SLC39A14: variants seen among roughly 807,000 people sequenced by gnomAD.
SLC39A14 encodes the protein solute carrier family 39 member 14.
A neutral mutation model predicts 45.5 loss-of-function variants in SLC39A14; 19 were observed. The observed-to-expected ratio is 0.42, with a 90% CI of 0.29 to 0.61. The LOEUF (loss-of-function observed/expected upper bound fraction) is 0.61. Among genes scored for constraint, SLC39A14 ranks in the 20% least tolerant of loss-of-function variants. SLC39A14 has a pLI of 0.22. For synonymous variants in SLC39A14, 264 were observed against 251.3 expected, an observed-to-expected ratio of 1.05 and a Z score of -0.48; for missense variants, 447 against 616.5, an observed-to-expected ratio of 0.73 and a Z score of 2.91.
chr8:22,402,641 C>T (rs1460267109), intron 1 of SLC39A14, among the ~76,000 whole-genome samples: 3 of 149,352 alleles, frequency 2.0e-5, no homozygotes, highest in South Asian at 2.1e-4. Context: ...TGGTGGCCAG[C>T]GCCTATAATC....
chr8:22,398,908 C>G (rs966723959), intron 1 of SLC39A14: 7 of 208,774 alleles, frequency 3.4e-5, no homozygotes, highest in African/African-American at 1.7e-4. Flanking sequence ...TCCCACCTCC[C>G]CAAGGGTTGG....
intron 3 of SLC39A14, 95 bp from the exon 4 acceptor site, chr8:22,411,942 C>T (rs980051038): frequency 8.2e-7 from 1 of 1,217,924 alleles, no homozygotes; most frequent in Non-Finnish European, 1.1e-6. Flanking sequence ...CCTATCTGCT[C>T]CACCTTCCTC....
intron 1 of SLC39A14, among the ~76,000 whole-genome samples, chr8:22,374,533 C>T (rs1285233467): frequency 2.0e-5 from 3 of 150,576 alleles, no homozygotes; most frequent in South Asian, 2.1e-4. Context: ...TAAGGAGAGC[C>T]GTGTGAATGC....
rs1318714126 is a variant in SLC39A14 at position 22,367,374 on chromosome 8, G to A, written c.-50G>A. 2 of 152,124 alleles carry A rather than the reference G, an allele frequency of 1.3e-5. No individual in the cohort carries two copies. The highest frequency in any genetic ancestry group is 1.3e-4 in the Admixed American group (2 of 15,254). The allele number at this position is 152,124 out of a possible 1,614,324, so 9.4% of individuals were successfully genotyped here. On this transcript the variant is annotated 5_prime_UTR_variant, in exon 1 of 9. Transcript: ENST00000381237. The surrounding 1 kb of genome is among the most constrained non-coding windows in gnomAD (Gnocchi z 4.2). Reference sequence around the variant, plus strand: ...CCGGCCGCCTGGGACCTTGCGGTGAGGCTGCGCGGGGCCGAGGCCGCCTCC... The same window carrying A: ...CCGGCCGCCTGGGACCTTGCGGTGAAGCTGCGCGGGGCCGAGGCCGCCTCC...
chr8:22,394,010 G>GTTTT (rs35225179), intron 1 of SLC39A14, among the ~76,000 whole-genome samples: 2 of 138,148 alleles, frequency 1.4e-5, no homozygotes, highest in Non-Finnish European at 3.1e-5. Context: ...CTGAAGGGGT[G>GTTTT]TTTTTTTTTT....
At position 22,432,583 on chromosome 8, in the gene SLC39A14, A is replaced by T. The variant is rs571593438; in HGVS notation, c.1333-1308A>T. On this transcript the variant is annotated intron_variant, in intron 8 of 8. Coordinates refer to the SLC39A14 transcript ENST00000240095. ...AGCCTCAACTCCCTGGGTCCAAGTG[A>T]TCCTCCTACCTCGGCCTCCCGAGTA... 4.5e-4 allele frequency among the ~76,000 whole-genome samples: 68 copies of T among 149,744 alleles called. 1 individual carries two copies. The highest frequency in any genetic ancestry group is 1.6e-3 in the African/African-American group (65 of 40,634).
At chr8:22,379,433 A>T (rs1833381250) in intron 1 of SLC39A14, 1 of 152,240 alleles carries the variant, frequency 6.6e-6, no homozygotes, top group Non-Finnish European at 1.5e-5. Flanking sequence ...CTAGGAGAGA[A>T]GGCAAGCTTG....
chr8:22,428,834 A>G (rs1836426791), intron 8 of SLC39A14, among the ~76,000 whole-genome samples: 1 of 152,218 alleles, frequency 6.6e-6, no homozygotes, highest in African/African-American at 2.4e-5. Flanking sequence ...TTTTCACTGA[A>G]AAACTTAAAG....
intron 8 of SLC39A14, among the ~76,000 whole-genome samples, chr8:22,433,725 A>G (rs911806338): frequency 1.3e-5 from 2 of 151,818 alleles, no homozygotes; most frequent in Non-Finnish European, 2.9e-5. Context: ...ACACCTAGCT[A>G]ATTTTTCTGT....
rs1420785799 is a variant in SLC39A14, at chr8:22,421,701, A to G, written c.*2003A>G. The stretch of plus-strand genomic sequence containing the variant: ...GCTTTAACCTAACTCGCATTGATGT[A>G]TTAAATTTATAATTTTAGCATTCCC... On this transcript the variant is annotated 3_prime_UTR_variant, in exon 9 of 9. Transcript: ENST00000381237. 5 of 984,572 alleles carry G rather than the reference A, an allele frequency of 5.1e-6. No individual in the cohort carries two copies. Among genetic ancestry groups the G allele is most frequent in the Middle Eastern group, 5.2e-4 (1 of 1,932 alleles). The allele number at this position is 984,572 out of a possible 1,614,324, so 61.0% of individuals were successfully genotyped here.
chr8:22,429,063 G>A (rs1301399913), intron 8 of SLC39A14, among the ~76,000 whole-genome samples: 2 of 152,194 alleles, frequency 1.3e-5, no homozygotes, highest in East Asian at 2.0e-4. Context: ...GCAAGGTCAG[G>A]AGATCGAGAC....
chr8:22,427,873 G>A (rs918719136), intron 8 of SLC39A14, among the ~76,000 whole-genome samples: 29 of 152,190 alleles, frequency 1.9e-4, no homozygotes, highest in African/African-American at 5.8e-4. Context: ...TAAAAGGGTG[G>A]TAAAATCTAA....
intron 1 of SLC39A14, among the ~76,000 whole-genome samples, chr8:22,394,477 G>GC (rs1647611946): frequency 6.6e-6 from 1 of 151,474 alleles, no homozygotes; most frequent in Admixed American, 6.6e-5. Flanking sequence ...CCACCACCAC[G>GC]CCCGGCTAAT....
rs530091789 is a variant in SLC39A14, at chr8:22,393,182, G to A, written c.-15-11514G>A. 2.6e-5 allele frequency: 26 copies of A among 985,702 alleles called. No homozygotes were observed. The East Asian group carries it at 2.5e-3, about 95-fold the overall frequency. 61.1% of individuals were successfully genotyped at this position (985,702 alleles called of 1,614,324 possible). A position where few individuals can be genotyped will look rare whatever the true frequency, so the allele number is the denominator to read the frequency against. On this transcript the variant is annotated intron_variant, in intron 1 of 8. Transcript: ENST00000381237. ...GCGCTTTGACTGTGCCAAGGCTTGA[G>A]GCGAAGGTCCTGGGAGCAGGAGCTG...
intron 1 of SLC39A14, among the ~76,000 whole-genome samples, chr8:22,397,305 G>A (rs1471595784): frequency 1.3e-5 from 2 of 152,108 alleles, no homozygotes; most frequent in African/African-American, 2.4e-5. Flanking sequence ...CTGGCCGGGC[G>A]CGGTGGCTCA....
intron 4 of SLC39A14, among the ~76,000 whole-genome samples, chr8:22,413,498 C>G (rs937985483): frequency 6.6e-6 from 1 of 152,132 alleles, no homozygotes; most frequent in Non-Finnish European, 1.5e-5. Flanking sequence ...CACTTTTCCC[C>G]CAAGATGATT....
At chr8:22,409,161 G>C (rs1234956706) in intron 3 of SLC39A14, among the ~76,000 whole-genome samples, 2 of 151,992 alleles carry the variant, frequency 1.3e-5, no homozygotes, top group Non-Finnish European at 2.9e-5. Context: ...CCTCCCGGAG[G>C]CTGCACTTGG....
At chr8:22,405,315 T>C (rs56696261) in intron 2 of SLC39A14, among the ~76,000 whole-genome samples, 47,485 of 152,024 alleles carry the variant, frequency 0.31, 10,229 homozygotes, top group African/African-American at 0.63. Context: ...GGGTTCGAGA[T>C]CAGCCTGGCC....
chr8:22,380,305 T>C (rs1405430988), intron 1 of SLC39A14, among the ~76,000 whole-genome samples: 1 of 152,190 alleles, frequency 6.6e-6, no homozygotes, highest in Non-Finnish European at 1.5e-5. Flanking sequence ...GTGGTACCCC[T>C]GTGGCAAAGA....
Sources: allele counts gnomAD v4.1 joint callset (sites outside exome capture counted in the v4.1 genomes callset), GRCh38; gene constraint gnomAD v4.1.1; non-coding constraint Gnocchi (gnomAD v3.1); transcripts MANE v1.5; gene names NCBI Gene and HGNC (gene_info 2026-07-23, HGNC 2026-07-21).